Variants in PHGDH observed in about 807,000 individuals in gnomAD.
PHGDH encodes D-3-phosphoglycerate dehydrogenase.
PHGDH carries 50 observed loss-of-function variants against 52.6 expected under a neutral mutation model. The ratio of observed to expected loss-of-function variants is 0.95; its 90% CI spans 0.76 to 1.20. The LOEUF is 1.20. Ranked by LOEUF, PHGDH falls within the 50% of genes most tolerant of loss-of-function variation. The pLI is 0.00. For synonymous variants in PHGDH, 271 were observed against 280.5 expected (o/e 0.97, Z 0.34); for missense variants, 630 against 684.6 (o/e 0.92, Z 0.89).
rs1651888145 is a variant in PHGDH, at chr1:119,735,418, G to T, written c.767G>T (p.Gly256Val). The change falls in exon 7 of 12, where the codon GGG (glycine) becomes GTG (valine). Residue 256 changes from glycine (G) to valine (V), a missense_variant. By Grantham distance (109) the Gly-to-Val change is moderately radical (BLOSUM62 -3). Coordinates refer to ENST00000641023, the MANE Select transcript of PHGDH (RefSeq NM_006623.4). ...GCCCTGCAGTCTGGCCAGTGTGCCG[G>T]GGCTGCACTGGACGTGTTTACGGAA... ...LRALQSGQCA[G>V]AALDVFTEEP... The T allele has an allele frequency of 6.2e-7, 1 of 1,613,616 alleles. No homozygotes were observed.
At position 119,733,148 on chromosome 1, in the gene PHGDH, G is replaced by A. The variant is rs115132951; in HGVS notation, c.511-1486G>A. 4.3e-3 allele frequency among the ~76,000 whole-genome samples: 657 copies of A among 152,276 alleles called. 5 individuals are homozygous for A. The highest frequency in any genetic ancestry group is 0.015 in the African/African-American group (620 of 41,532). On this transcript the variant is annotated intron_variant, in intron 5 of 11. Transcript: ENST00000641023. ...TCTGAGCTGGAGGTTCTTATAGGGC[G>A]TGGGAGAGGCAGCATCTTTCCCCAA...
intron 1 of PHGDH, among the ~76,000 whole-genome samples, chr1:119,715,226 G>A (rs1009146181): frequency 2.6e-5 from 4 of 152,058 alleles, no homozygotes; most frequent in Admixed American, 2.6e-4. Flanking sequence ...ATTTTCTTCT[G>A]TTTCATTAAG....
intron 1 of PHGDH, among the ~76,000 whole-genome samples, chr1:119,717,232 CAAAAAAAA>C (rs58549149): frequency 1.8e-3 from 69 of 37,350 alleles, no homozygotes; most frequent in African/African-American, 5.2e-3. Context: ...AACTCTGTCT[CAAAAAAAA>C]AAAAAAAAAA....
chr1:119,742,120 G>A (rs188959806), intron 10 of PHGDH: 2 of 582,912 alleles, frequency 3.4e-6, no homozygotes, highest in Admixed American at 5.5e-5. Context: ...CTGTGGGAAT[G>A]GAGGCAGTAG....
rs747270250 is a variant in PHGDH at position 119,737,219 on chromosome 1, G to T, written c.898G>T (p.Ala300Ser). 2.2e-5 allele frequency: 36 copies of T among 1,614,092 alleles called. 1 individual carries two copies. The South Asian group carries it at 4.0e-4, about 18-fold the overall frequency. ...TCAGAGCCGCTGTGGGGAGGAAATT[G>T]CTGTTCAGTTCGTGGACATGGTGAA... is the stretch of plus-strand genomic sequence containing the variant. ...EAQSRCGEEI[A>S]VQFVDMVKGK... Residue 300 changes from alanine (A) to serine (S), a missense_variant, in exon 8 of 12, where the codon GCT becomes TCT. Physicochemically the swap from Ala to Ser is moderately conservative, Grantham distance 99. Transcript: ENST00000641023.
chr1:119,734,566 C>A, intron 5 of PHGDH, 68 bp from the exon 6 acceptor site: 2 of 1,496,654 alleles, frequency 1.3e-6, no homozygotes, highest in South Asian at 1.1e-5. Flanking sequence ...AAATGTTTGC[C>A]ATTCTTAATA....
chr1:119,738,864 G>T (rs990710159), intron 8 of PHGDH, among the ~76,000 whole-genome samples: 2 of 152,174 alleles, frequency 1.3e-5, no homozygotes, highest in Non-Finnish European at 2.9e-5. Context: ...TGTATCTGCT[G>T]CAGGACACAG....
In PHGDH at chr1:119,727,036, G is replaced by A; in HGVS notation, c.444G>A (p.Leu148=). 6.2e-7 allele frequency: 1 copy of A among 1,613,816 alleles called. No individual in the cohort carries two copies. Among genetic ancestry groups the A allele is most frequent in the Non-Finnish European group, 8.5e-7 (1 of 1,179,672 alleles). Residue 148 remains leucine (L), a synonymous_variant, in exon 5 of 12, where the codon CTG becomes CTA. Coordinates refer to ENST00000641023, the MANE Select transcript of PHGDH (RefSeq NM_006623.4). ...GAACAGAGCTGAATGGAAAGACCCT[G>A]GGAATTCTTGGCCTGGGCAGGATTG... The part of the protein sequence containing the change: ...FMGTELNGKT[L]GILGLGRIGR...
At position 119,743,170 on chromosome 1, in the gene PHGDH, A is replaced by C. The variant is rs1652293272; in HGVS notation, c.1447+126A>C. 3 of 765,528 alleles carry C rather than the reference A, an allele frequency of 3.9e-6. No individual in the cohort carries two copies. In the Admixed American group the frequency reaches 5.2e-5, roughly 13 times the overall value. The allele number at this position is 765,528 out of a possible 1,614,324, so 47.4% of individuals were successfully genotyped here. ...CCCAGGGTGTCTCTGGATCTGCACC[A>C]TACAGAGGGTCTGATGCCAGTTTTC... On this transcript the variant is annotated intron_variant, in intron 11 of 11. Transcript: ENST00000641023.
At chr1:119,727,323 G>A (rs1409655743) in intron 5 of PHGDH, 6 of 583,948 alleles carry the variant, frequency 1.0e-5, no homozygotes, top group Middle Eastern at 4.6e-4. Flanking sequence ...TAGCTCTCTG[G>A]TGAGTGAATA....
intron 2 of PHGDH, among the ~76,000 whole-genome samples, chr1:119,721,825 T>A (rs1159678991): frequency 1.3e-5 from 2 of 152,232 alleles, no homozygotes; most frequent in African/African-American, 4.8e-5. Flanking sequence ...CCTGCCACCT[T>A]CTGGAACTAA....
At chr1:119,717,157 G>A (rs888939284) in intron 1 of PHGDH, among the ~76,000 whole-genome samples, 1 of 149,152 alleles carries the variant, frequency 6.7e-6, no homozygotes, top group Non-Finnish European at 1.5e-5. Context: ...GCTTGAACCC[G>A]GGAGGCGGAG....
At chr1:119,740,226 CTG>C (rs1652133108) in intron 8 of PHGDH, 158 bp from the exon 9 acceptor site, 1 of 676,052 alleles carries the variant, frequency 1.5e-6, no homozygotes, top group Non-Finnish European at 2.7e-6. Flanking sequence ...AGTCCTTGTC[CTG>C]TTGTTAGTGG....
chr1:119,742,774 AG>A (rs1193955921), intron 10 of PHGDH, 32 bp from the exon 11 acceptor site: 1 of 1,316,662 alleles, frequency 7.6e-7, no homozygotes, highest in Non-Finnish European at 1.1e-6. Context: ...TGCAGCCAGG[AG>A]GTGTAACAGT....
In PHGDH at chr1:119,718,745, A is replaced by G. The variant is rs112731024; in HGVS notation, c.139-2425A>G. 6.8e-3 allele frequency among the ~76,000 whole-genome samples: 1,040 copies of G among 152,296 alleles called. 10 individuals carry two copies. The highest frequency in any genetic ancestry group is 0.024 in the African/African-American group (1,000 of 41,554). ...CTAGTACCCAGCAGGTGCTCAATAA[A>G]TGGTTTATGTGCTGGTGAGGCTGGT... is the stretch of plus-strand genomic sequence containing the variant. On this transcript the variant is annotated intron_variant, in intron 1 of 11. Transcript: ENST00000641023.
chr1:119,742,369 T>G (rs757969265), intron 10 of PHGDH: 1 of 362,580 alleles, frequency 2.8e-6, no homozygotes, highest in Non-Finnish European at 5.2e-6. Context: ...AGCCTGTTGC[T>G]CAGCCAGTGG....
intron 9 of PHGDH, 35 bp downstream of exon 9, chr1:119,740,553 G>C: frequency 6.6e-7 from 1 of 1,526,588 alleles, no homozygotes; most frequent in Non-Finnish European, 8.9e-7. Flanking sequence ...AGGGGGAGGA[G>C]GGGATGAGGG....
chr1:119,743,094 G>T (rs879066832), intron 11 of PHGDH, 50 bp downstream of exon 11: 2 of 1,209,770 alleles, frequency 1.7e-6, no homozygotes, highest in Non-Finnish European at 2.5e-6. Context: ...CTGGGGTGGG[G>T]TCTGCCCTGG....
chr1:119,731,370 G>A, intron 5 of PHGDH, among the ~76,000 whole-genome samples: 1 of 152,152 alleles, frequency 6.6e-6, no homozygotes, highest in East Asian at 1.9e-4. Flanking sequence ...ATGCTGGTGT[G>A]TTCCTTAGAA....
Sources: allele counts gnomAD v4.1 joint callset (sites outside exome capture counted in the v4.1 genomes callset), GRCh38; gene constraint gnomAD v4.1.1; transcripts MANE v1.5; gene names NCBI Gene and HGNC (gene_info 2026-07-23, HGNC 2026-07-21).